Variants in GTF2A1L observed in about 807,000 individuals in gnomAD.
GTF2A1L encodes TFIIA-alpha and beta-like factor.
GTF2A1L carries 48 observed loss-of-function variants against 49.7 expected under a neutral mutation model. The observed-to-expected ratio is 0.97, with a 90% CI of 0.77 to 1.23. The LOEUF (loss-of-function observed/expected upper bound fraction) is 1.23. Ranked by LOEUF, GTF2A1L falls within the 50% of genes most tolerant of loss-of-function variation. GTF2A1L has a pLI of 0.00. For missense variants in GTF2A1L, 736 were observed against 564.8 expected, an observed-to-expected ratio of 1.30 and a Z score of -3.07; for synonymous variants, 246 against 193.5, an observed-to-expected ratio of 1.27 and a Z score of -2.25.
intron 8 of GTF2A1L, among the ~76,000 whole-genome samples, chr2:48,673,241 G>A (rs1003514959): frequency 6.6e-6 from 1 of 151,666 alleles, no homozygotes; most frequent in Non-Finnish European, 1.5e-5. Flanking sequence ...GGAGAAAAAA[G>A]TAATACCTTT....
At chr2:48,660,306 A>T (rs968639224) in intron 6 of GTF2A1L, among the ~76,000 whole-genome samples, 1 of 151,868 alleles carries the variant, frequency 6.6e-6, no homozygotes, top group Non-Finnish European at 1.5e-5. Context: ...ATAAGTTTGG[A>T]GATATTTTGT....
At chr2:48,632,214 A>G (rs1256415407) in intron 3 of GTF2A1L, 1 of 152,170 alleles carries the variant, frequency 6.6e-6, no homozygotes. Context: ...AATTCCCTCT[A>G]TAGAAGTTAT....
At chr2:48,649,142 A>G (rs1677705409) in intron 6 of GTF2A1L, among the ~76,000 whole-genome samples, 1 of 152,090 alleles carries the variant, frequency 6.6e-6, no homozygotes, top group Non-Finnish European at 1.5e-5. Context: ...CTTTGTCTGA[A>G]TTTGACTCTT....
intron 3 of GTF2A1L, among the ~76,000 whole-genome samples, chr2:48,640,418 T>G (rs1677137474): frequency 1.3e-5 from 2 of 152,130 alleles, no homozygotes; most frequent in South Asian, 4.1e-4. Context: ...GAGGCTATTA[T>G]CTTCAACAAA....
intron 6 of GTF2A1L, among the ~76,000 whole-genome samples, chr2:48,657,013 T>G (rs2104253072): frequency 6.6e-6 from 1 of 152,340 alleles, no homozygotes; most frequent in South Asian, 2.1e-4. Context: ...TGTAACGGTT[T>G]GTTGCTGGGA....
intron 8 of GTF2A1L, among the ~76,000 whole-genome samples, chr2:48,673,142 T>A (rs1679260516): frequency 6.6e-6 from 1 of 152,132 alleles, no homozygotes; most frequent in Admixed American, 6.5e-5. Context: ...TTTAAAAAAA[T>A]TGCTGAATAA....
intron 6 of GTF2A1L, among the ~76,000 whole-genome samples, chr2:48,652,522 A>G (rs1409406231): frequency 6.6e-6 from 1 of 151,036 alleles, no homozygotes; most frequent in Non-Finnish European, 1.5e-5. Flanking sequence ...ATCTGAGGCA[A>G]GAGAATCACT....
intron 3 of GTF2A1L, among the ~76,000 whole-genome samples, chr2:48,624,459 TATAG>T (rs3077611): frequency 0.67 from 93,064 of 138,668 alleles, 36,091 homozygotes; most frequent in East Asian, 0.97. Flanking sequence ...AGTGCTTTGA[TATAG>T]ATAGATAGAT....
intron 8 of GTF2A1L, among the ~76,000 whole-genome samples, chr2:48,678,901 C>A (rs1386990141): frequency 1.3e-5 from 2 of 152,014 alleles, no homozygotes; most frequent in African/African-American, 4.8e-5. Flanking sequence ...ATCTGGAATG[C>A]TCCTGAGTAA....
chr2:48,621,459 AT>A (rs1318649764), intron 3 of GTF2A1L, 169 bp downstream of exon 3: 2 of 894,292 alleles, frequency 2.2e-6, no homozygotes, highest in East Asian at 6.3e-5. Context: ...GTAATTATTG[AT>A]TAAAAACTCA....
In GTF2A1L at chr2:48,621,155, TC is replaced by T. The variant is rs201450137; in HGVS notation, c.124-8del. ...ATTTTTTTAAAGTAAACTTTTTTTT[TC>T]CCCTCTGCAGCTCTGGGAAACCAAG... On this transcript the variant is annotated splice_polypyrimidine_tract_variant and intron_variant, in intron 2 of 8. Coordinates refer to ENST00000403751, the MANE Select transcript of GTF2A1L (RefSeq NM_006872.5). 55 of 1,580,406 alleles carry T rather than the reference TC, an allele frequency of 3.5e-5. No individual in the cohort carries two copies. Among genetic ancestry groups the T allele is most frequent in the Admixed American group, 1.7e-4 (9 of 53,108 alleles).
intron 3 of GTF2A1L, among the ~76,000 whole-genome samples, chr2:48,638,061 G>A (rs1279389068): frequency 6.6e-6 from 1 of 152,052 alleles, no homozygotes; most frequent in Non-Finnish European, 1.5e-5. Flanking sequence ...AGACCAATAA[G>A]GAACTCCAAA....
At chr2:48,636,136 A>G (rs1348833511) in intron 3 of GTF2A1L, among the ~76,000 whole-genome samples, 1 of 152,076 alleles carries the variant, frequency 6.6e-6, no homozygotes, top group African/African-American at 2.4e-5. Flanking sequence ...AGCTCAAACC[A>G]TTGATCTTTA....
chr2:48,647,638 C>T (rs1479716347), intron 6 of GTF2A1L, among the ~76,000 whole-genome samples: 1 of 150,986 alleles, frequency 6.6e-6, no homozygotes, highest in Non-Finnish European at 1.5e-5. Context: ...GGAAACTTTT[C>T]CCTACATGAG....
intron 3 of GTF2A1L, among the ~76,000 whole-genome samples, chr2:48,628,322 A>C (rs1676403647): frequency 6.9e-6 from 1 of 144,380 alleles, no homozygotes. Flanking sequence ...CAGTGGCTGA[A>C]CTAATTTACA....
At chr2:48,641,223 G>T (rs568207490) in intron 3 of GTF2A1L, among the ~76,000 whole-genome samples, 13 of 152,218 alleles carry the variant, frequency 8.5e-5, no homozygotes, top group African/African-American at 3.1e-4. Context: ...ATACCACTGT[G>T]TTCCTGCCAG....
intron 6 of GTF2A1L, among the ~76,000 whole-genome samples, chr2:48,652,450 T>C (rs1283279361): frequency 6.6e-6 from 1 of 151,742 alleles, no homozygotes; most frequent in African/African-American, 2.4e-5. Flanking sequence ...AACTCGTCTC[T>C]ACTAAAAATA....
At chr2:48,639,269 C>A (rs1354656682) in intron 3 of GTF2A1L, among the ~76,000 whole-genome samples, 2 of 152,144 alleles carry the variant, frequency 1.3e-5, no homozygotes, top group African/African-American at 4.8e-5. Flanking sequence ...AAGGACAAAG[C>A]TGGAGGCATC....
Position 48,669,643 on chromosome 2 carries a change from T to G in GTF2A1L, c.979-79T>G, listed in dbSNP as rs1300217709. ...CTTGAACTGACCATTTGTGGAATGT[T>G]TGTTAATTTTAAATTTGGATTCAAT... On this transcript the variant is annotated intron_variant, in intron 6 of 8. Transcript: ENST00000403751. 4 of 1,494,446 alleles carry G rather than the reference T, an allele frequency of 2.7e-6. No individual in the cohort carries two copies. In the African/African-American group the frequency reaches 5.6e-5, roughly 21 times the overall value. 92.6% of individuals were successfully genotyped at this position (1,494,446 alleles called of 1,614,324 possible).
Sources: allele counts gnomAD v4.1 joint callset (sites outside exome capture counted in the v4.1 genomes callset), GRCh38; gene constraint gnomAD v4.1.1; transcripts MANE v1.5; gene names NCBI Gene and HGNC (gene_info 2026-07-23, HGNC 2026-07-21).